Variants in FRAS1 observed in about 807,000 individuals in gnomAD.
The protein encoded by FRAS1 is extracellular matrix organizing protein FRAS1.
Under a neutral mutation model 435.2 loss-of-function variants are expected in FRAS1, and 290 were observed. The ratio of observed to expected loss-of-function variants is 0.67; its 90% confidence interval spans 0.61 to 0.73. FRAS1 has a LOEUF of 0.73. Ranked by LOEUF, FRAS1 falls within the 30% of genes least tolerant of loss-of-function variation. The pLI, the probability that FRAS1 is intolerant of heterozygous loss-of-function variation, is 0.00. For missense variants in FRAS1, 4,860 were observed against 5,001.5 expected (o/e 0.97, Z 0.85); for synonymous variants, 1,800 against 1,851.0 (o/e 0.97, Z 0.71).
chr4:78,494,608 C>T (rs1236717712), intron 59 of FRAS1, among the ~76,000 whole-genome samples: 1 of 152,162 alleles, frequency 6.6e-6, no homozygotes, highest in Admixed American at 6.6e-5. Flanking sequence ...GTCCCCATCA[C>T]CCAAACATCT....
chr4:78,290,290 T>C (rs1433066802), intron 14 of FRAS1, among the ~76,000 whole-genome samples: 1 of 152,220 alleles, frequency 6.6e-6, no homozygotes, highest in Non-Finnish European at 1.5e-5. Flanking sequence ...TTAAAACTTA[T>C]TTTATTCACA....
chr4:78,523,215 A>C (rs778024143), intron 69 of FRAS1, among the ~76,000 whole-genome samples: 1 of 152,224 alleles, frequency 6.6e-6, no homozygotes, highest in Non-Finnish European at 1.5e-5. Flanking sequence ...TGAGACCAGA[A>C]GGGGCACACA....
intron 40 of FRAS1, among the ~76,000 whole-genome samples, chr4:78,440,174 G>T (rs1172455266): frequency 1.3e-5 from 2 of 151,350 alleles, no homozygotes; most frequent in Non-Finnish European, 3.0e-5. Flanking sequence ...GGGACTACAG[G>T]CGCCCGCCAC....
In FRAS1 at chr4:78,452,250, C is replaced by T. The variant is rs747315078; in HGVS notation, c.6659C>T (p.Thr2220Ile). ...LDENSVKKIT[T>I]LQLSATDQDS... The stretch of plus-strand genomic sequence containing the variant: ...GAAAACTCAGTGAAGAAAATCACCA[C>T]CCTGCAGCTGTCTGCCACTGACCAG... Residue 2220 changes from threonine (T) to isoleucine (I), a missense_variant, in exon 47 of 74, where the codon ACC (threonine) becomes ATC (isoleucine). Coordinates refer to ENST00000512123, the MANE Select transcript of FRAS1 (RefSeq NM_025074.7). 3 of 1,613,766 alleles carry T rather than the reference C, an allele frequency of 1.9e-6. No homozygotes were observed. The highest frequency in any genetic ancestry group is 1.1e-5 in the South Asian group (1 of 91,074).
At chr4:78,424,363 C>G in intron 34 of FRAS1, 25 bp from the exon 35 acceptor site, 1 of 1,385,214 alleles carries the variant, frequency 7.2e-7, no homozygotes, top group South Asian at 1.4e-5. Flanking sequence ...GTTTAATATA[C>G]TGATTGTCTC....
Position 78,266,837 on chromosome 4 carries a change from G to A in FRAS1, c.691G>A (p.Gly231Ser). The A allele has an allele frequency of 6.3e-7, 1 of 1,597,760 alleles. No individual in the cohort carries two copies. Among genetic ancestry groups the A allele is most frequent in the South Asian group, 1.1e-5 (1 of 88,012 alleles). ...CSAAGQVYEH[G>S]EQWSENACTT... ...CTTCTTTCCTGTCTTCATGCAGCAT[G>A]GTGAGCAGTGGAGCGAAAATGCCTG... The change falls in exon 8 of 74, where the codon GGT (glycine) becomes AGT (serine). Residue 231 changes from glycine to serine, a missense_variant. Transcript: ENST00000512123.
chr4:78,144,310 G>A lies in FRAS1; in HGVS notation c.108+78294G>A, dbSNP rs368924477. Reference sequence around the variant, plus strand: ...AAAGTTAATGTTTTGGAAACATTCAGTTGATTAAATTCTGATGAGACTCTG... The same window carrying A: ...AAAGTTAATGTTTTGGAAACATTCAATTGATTAAATTCTGATGAGACTCTG... On this transcript the variant is annotated intron_variant, in intron 2 of 73. Transcript: ENST00000512123. Among the ~76,000 whole-genome samples the A allele has an allele frequency of 4.0e-4, 61 of 152,174 alleles. 2 individuals are homozygous for A. The highest frequency in any genetic ancestry group is 1.4e-3 in the African/African-American group (59 of 41,546).
chr4:78,077,048 G>A (rs1740669748), intron 2 of FRAS1, among the ~76,000 whole-genome samples: 1 of 152,200 alleles, frequency 6.6e-6, no homozygotes, highest in Non-Finnish European at 1.5e-5. Flanking sequence ...AAGAGAGACT[G>A]TATCTTTAAA....
intron 67 of FRAS1, 26 bp downstream of exon 67, chr4:78,519,507 C>A: frequency 6.3e-7 from 1 of 1,597,232 alleles, no homozygotes; most frequent in Non-Finnish European, 8.5e-7. Context: ...CCTTAACTAT[C>A]CCTTTAGTTA....
intron 65 of FRAS1, among the ~76,000 whole-genome samples, chr4:78,514,948 A>G (rs1315374066): frequency 6.6e-6 from 1 of 151,684 alleles, no homozygotes; most frequent in Non-Finnish European, 1.5e-5. Context: ...TGCACCTGTA[A>G]TCCCAGCTAC....
chr4:78,526,682 T>G (rs745551677), intron 70 of FRAS1, 25 bp downstream of exon 70: 56 of 1,374,676 alleles, frequency 4.1e-5, no homozygotes, highest in Non-Finnish European at 5.4e-5. Context: ...TCAATCCTCA[T>G]TATTTGTTGA....
At chr4:78,195,294 A>C (rs1722752972) in intron 2 of FRAS1, among the ~76,000 whole-genome samples, 1 of 152,220 alleles carries the variant, frequency 6.6e-6, no homozygotes, top group African/African-American at 2.4e-5. Flanking sequence ...TGCTCTCCTC[A>C]AAGCTGTCAG....
At chr4:78,298,438 T>C (rs1728250289) in intron 14 of FRAS1, among the ~76,000 whole-genome samples, 1 of 152,090 alleles carries the variant, frequency 6.6e-6, no homozygotes, top group African/African-American at 2.4e-5. Flanking sequence ...AGTATATCAT[T>C]ATAAGAGATG....
chr4:78,416,082 A>G (rs1733542071), intron 32 of FRAS1, among the ~76,000 whole-genome samples: 1 of 152,220 alleles, frequency 6.6e-6, no homozygotes, highest in Admixed American at 6.5e-5. Flanking sequence ...ACGTACACAC[A>G]CAGAGAGAGA....
chr4:78,207,023 A>G (rs533498272), intron 2 of FRAS1, among the ~76,000 whole-genome samples: 1 of 152,340 alleles, frequency 6.6e-6, no homozygotes, highest in East Asian at 1.9e-4. Flanking sequence ...AATAGGCATC[A>G]GTTGAGATAA....
At chr4:78,241,343 C>A (rs1004873253) in intron 3 of FRAS1, among the ~76,000 whole-genome samples, 1 of 152,150 alleles carries the variant, frequency 6.6e-6, no homozygotes, top group Non-Finnish European at 1.5e-5. Flanking sequence ...TCCTTGAGAG[C>A]AGGAATCTTG....
intron 6 of FRAS1, among the ~76,000 whole-genome samples, chr4:78,259,733 TGG>T (rs1479034142): frequency 6.2e-5 from 9 of 145,152 alleles, no homozygotes; most frequent in African/African-American, 2.2e-4. Flanking sequence ...TTGTCAATTT[TGG>T]CTTTTGTTGC....
chr4:78,176,862 T>C (rs1237230415), intron 2 of FRAS1, among the ~76,000 whole-genome samples: 1 of 152,206 alleles, frequency 6.6e-6, no homozygotes, highest in Non-Finnish European at 1.5e-5. Flanking sequence ...CTTCTTTAGG[T>C]TGAGACCAAT....
chr4:78,451,692 A>G (rs1486246703), intron 45 of FRAS1, 80 bp from the exon 46 acceptor site: 3 of 1,186,160 alleles, frequency 2.5e-6, no homozygotes, highest in Non-Finnish European at 3.5e-6. Flanking sequence ...TGTGAACACC[A>G]ATTGAATTCA....
Sources: allele counts gnomAD v4.1 joint callset (sites outside exome capture counted in the v4.1 genomes callset), GRCh38; gene constraint gnomAD v4.1.1; transcripts MANE v1.5; gene names NCBI Gene and HGNC (gene_info 2026-07-23, HGNC 2026-07-21).